The following PIEZO2 variants were observed in gnomAD, a reference collection of about 807,000 sequenced individuals.
PIEZO2 encodes piezo-type mechanosensitive ion channel component 2.
Under a neutral mutation model 337.3 loss-of-function variants are expected in PIEZO2, and 172 were observed. That is an observed-to-expected ratio of 0.51 (90% CI 0.45 to 0.58). The LOEUF is 0.58. Ranked by LOEUF, PIEZO2 falls within the 20% of genes least tolerant of loss-of-function variation. The probability of loss-of-function intolerance (pLI) is 0.00; values close to 1 mark genes in which losing one functional copy is unlikely to be tolerated. For synonymous variants in PIEZO2, 1,251 were observed against 1,228.5 expected, an observed-to-expected ratio of 1.02 and a Z score of -0.38; for missense variants, 3,028 against 3,391.3, an observed-to-expected ratio of 0.89 and a Z score of 2.66.
intron 48 of PIEZO2, among the ~76,000 whole-genome samples, chr18:10,690,573 C>T (rs578089328): frequency 2.7e-4 from 41 of 152,320 alleles, no homozygotes; most frequent in African/African-American, 9.6e-4. Context: ...ACCCCACACA[C>T]AGCGCTTCAC....
At chr18:10,774,127 A>G (rs910032558) in intron 18 of PIEZO2, 89 bp from the exon 19 acceptor site, 1 of 691,946 alleles carries the variant, frequency 1.4e-6, no homozygotes, top group African/African-American at 1.8e-5. Flanking sequence ...ATCATGCTAC[A>G]TATCATCCAC....
In PIEZO2 at chr18:11,021,887, G is replaced by A. The variant is rs1274460544; in HGVS notation, c.161-42227C>T. 6.6e-6 allele frequency among the ~76,000 whole-genome samples: 1 copy of A among 152,124 alleles called. No individual in the cohort carries two copies. The highest frequency in any genetic ancestry group is 1.5e-5 in the Non-Finnish European group (1 of 68,034). ...AGTCCAGATGCTGCCTTTTCTCAAT[G>A]GCATCCCTTGGACTTCCCTTTCCTA... On this transcript the variant is annotated intron_variant, in intron 2 of 55. Coordinates refer to ENST00000674853, the MANE Select transcript of PIEZO2 (RefSeq NM_001378183.1). The surrounding 1 kb of genome is among the most constrained non-coding windows in gnomAD (Gnocchi z 4.7).
rs2039811410 is a variant in PIEZO2 at position 10,801,432 on chromosome 18, CA to C, written c.1201-5del. The C allele has an allele frequency of 1.3e-6, 2 of 1,504,938 alleles. No individual in the cohort carries two copies. Among genetic ancestry groups the C allele is most frequent in the Non-Finnish European group, 1.8e-6 (2 of 1,117,364 alleles). 93.2% of individuals were successfully genotyped at this position (1,504,938 alleles called of 1,614,324 possible). A position where few individuals can be genotyped will look rare whatever the true frequency, so the allele number is the denominator to read the frequency against. On this transcript the variant is annotated splice_region_variant and splice_polypyrimidine_tract_variant and intron_variant, in intron 9 of 55. Coordinates refer to ENST00000674853, the MANE Select transcript of PIEZO2 (RefSeq NM_001378183.1). ...CATCCTGGGTCATGGATAAAAGCTG[CA>C]AAAAGCAATGCGGGAAAGCATGTTA...
intron 2 of PIEZO2, among the ~76,000 whole-genome samples, chr18:11,030,999 G>GTTA (rs2036715899): frequency 6.6e-6 from 1 of 151,910 alleles, no homozygotes; most frequent in African/African-American, 2.4e-5. Flanking sequence ...TTTTGTTGTT[G>GTTA]TTGTTGTTGA....
chr18:11,126,454 T>C lies in PIEZO2; in HGVS notation c.64+22071A>G, dbSNP rs984556440. ...CTGGTAAAGGGCACTCCTCACACAG[T>C]CCTCTTCCCACCTTTAGTGCCAGTT... is the stretch of plus-strand genomic sequence containing the variant. On this transcript the variant is annotated intron_variant, in intron 1 of 55. Coordinates refer to ENST00000674853, the MANE Select transcript of PIEZO2 (RefSeq NM_001378183.1). The surrounding 1 kb of genome is among the most constrained non-coding windows in gnomAD (Gnocchi z 4.6). 6.6e-6 allele frequency among the ~76,000 whole-genome samples: 1 copy of C among 152,086 alleles called. No individual in the cohort carries two copies. Among genetic ancestry groups the C allele is most frequent in the African/African-American group, 2.4e-5 (1 of 41,398 alleles).
chr18:10,825,693 G>A (rs533298164), intron 7 of PIEZO2, among the ~76,000 whole-genome samples: 1 of 151,882 alleles, frequency 6.6e-6, no homozygotes, highest in South Asian at 2.1e-4. Flanking sequence ...TGGCACTACA[G>A]GCATGTGCCA....
At position 11,111,371 on chromosome 18, in the gene PIEZO2, C is replaced by G. The variant is rs972589521; in HGVS notation, c.64+37154G>C. On this transcript the variant is annotated intron_variant, in intron 1 of 55. Coordinates refer to ENST00000674853, the MANE Select transcript of PIEZO2 (RefSeq NM_001378183.1). This position sits in a 1 kb window ranked among gnomAD's most constrained non-coding sequence, Gnocchi z 6.2. ...GTGGCTTCTGTTTTCCTAACCAAGT[C>G]CTGAACCAATGTAAGACTTTTCATA... 4.6e-5 allele frequency among the ~76,000 whole-genome samples: 7 copies of G among 152,206 alleles called. No individual in the cohort carries two copies. The highest frequency in any genetic ancestry group is 8.8e-5 in the Non-Finnish European group (6 of 68,048).
At chr18:10,825,778 C>T (rs369661980) in intron 7 of PIEZO2, among the ~76,000 whole-genome samples, 10 of 151,454 alleles carry the variant, frequency 6.6e-5, no homozygotes, top group African/African-American at 1.9e-4. Flanking sequence ...CTCGAACTCC[C>T]GACCTCAGGT....
intron 7 of PIEZO2, among the ~76,000 whole-genome samples, chr18:10,838,530 C>T (rs1338155204): frequency 1.3e-5 from 2 of 152,140 alleles, no homozygotes; most frequent in African/African-American, 4.8e-5. Flanking sequence ...CAGGATACTG[C>T]CTTATAATAA....
chr18:11,019,182 C>T (rs1199340173), intron 2 of PIEZO2, among the ~76,000 whole-genome samples: 1 of 152,204 alleles, frequency 6.6e-6, no homozygotes, highest in Non-Finnish European at 1.5e-5. Flanking sequence ...AGGCAGCAGC[C>T]TTCTAAGGGT....
intron 4 of PIEZO2, among the ~76,000 whole-genome samples, chr18:10,908,135 C>T (rs186383867): frequency 1.3e-5 from 2 of 152,286 alleles, no homozygotes; most frequent in Non-Finnish European, 2.9e-5. Flanking sequence ...CACACAGCTT[C>T]CAGAGAGACA....
intron 2 of PIEZO2, among the ~76,000 whole-genome samples, chr18:11,013,510 A>C (rs1296514591): frequency 1.3e-5 from 2 of 152,250 alleles, no homozygotes; most frequent in Non-Finnish European, 2.9e-5. Context: ...ATAAAGATTT[A>C]TCAACACTTG....
chr18:11,129,771 G>A lies in PIEZO2; in HGVS notation c.64+18754C>T, dbSNP rs1214804404. Among the ~76,000 whole-genome samples, 2 of 152,164 alleles carry A rather than the reference G, an allele frequency of 1.3e-5. No individual in the cohort carries two copies. The highest frequency in any genetic ancestry group is 4.1e-4 in the South Asian group (2 of 4,828). ...GACATTTCAGGGACTACTGGCTCTGGCTCTGAGCTGACGTTGGATCCAGGG... is the reference window on the plus strand; with the variant it reads ...GACATTTCAGGGACTACTGGCTCTGACTCTGAGCTGACGTTGGATCCAGGG... On this transcript the variant is annotated intron_variant, in intron 1 of 55. Transcript: ENST00000674853. This position sits in a 1 kb window ranked among gnomAD's most constrained non-coding sequence, Gnocchi z 4.6.
intron 2 of PIEZO2, among the ~76,000 whole-genome samples, chr18:11,057,714 A>G (rs1291316377): frequency 1.3e-5 from 2 of 152,202 alleles, no homozygotes; most frequent in African/African-American, 4.8e-5. Context: ...GGTTGCTGCA[A>G]TACACTTGAT....
At chr18:10,720,399 GTGTGTATGTGTA>G (rs1288503165) in intron 36 of PIEZO2, among the ~76,000 whole-genome samples, 1 of 9,176 alleles carries the variant, frequency 1.1e-4, no homozygotes, top group South Asian at 4.5e-3. Flanking sequence ...GTGTGTGTGT[GTGTGTATGTGTA>G]TGTGTATGTA....
intron 4 of PIEZO2, among the ~76,000 whole-genome samples, chr18:10,889,275 T>G (rs574931045): frequency 1.3e-4 from 20 of 152,346 alleles, no homozygotes; most frequent in Admixed American, 1.0e-3. Context: ...TGAGCAAATG[T>G]TCAAGATAAG....
intron 2 of PIEZO2, among the ~76,000 whole-genome samples, chr18:11,050,145 T>C (rs1268722507): frequency 6.6e-6 from 1 of 152,196 alleles, no homozygotes; most frequent in Non-Finnish European, 1.5e-5. Context: ...CCCGCATTAA[T>C]TTATTTAAAA....
At chr18:10,986,225 A>T (rs768058307) in intron 2 of PIEZO2, among the ~76,000 whole-genome samples, 43 of 151,998 alleles carry the variant, frequency 2.8e-4, no homozygotes, top group Non-Finnish European at 5.6e-4. Context: ...ACACTTCCAA[A>T]CTCATTCTAT....
At chr18:10,866,350 A>T (rs1271829774) in intron 5 of PIEZO2, among the ~76,000 whole-genome samples, 1 of 149,584 alleles carries the variant, frequency 6.7e-6, no homozygotes, top group Non-Finnish European at 1.5e-5. Context: ...CAGTGGCGTG[A>T]CCTTGGCTCA....
Sources: allele counts gnomAD v4.1 joint callset (sites outside exome capture counted in the v4.1 genomes callset), GRCh38; gene constraint gnomAD v4.1.1; non-coding constraint Gnocchi (gnomAD v3.1); transcripts MANE v1.5; gene names NCBI Gene and HGNC (gene_info 2026-07-23, HGNC 2026-07-21).